DPPA2: variants seen among roughly 807,000 people sequenced by gnomAD.
DPPA2 encodes developmental pluripotency associated 2.
A neutral mutation model predicts 36.2 loss-of-function variants in DPPA2; 26 were observed. The ratio of observed to expected loss-of-function variants is 0.72; its 90% confidence interval spans 0.53 to 1.00. The LOEUF (loss-of-function observed/expected upper bound fraction) is 1.00, where lower values mean the gene tolerates loss of function less well. DPPA2 is among the 50% of genes least tolerant of loss of function. The pLI is 0.00. For missense variants in DPPA2, 361 were observed against 365.1 expected (o/e 0.99, Z 0.09); for synonymous variants, 113 against 123.2 (o/e 0.92, Z 0.55).
intron 6 of DPPA2, among the ~76,000 whole-genome samples, chr3:109,305,890 G>C (rs1017015638): frequency 1.3e-5 from 2 of 151,494 alleles, no homozygotes; most frequent in Non-Finnish European, 2.9e-5. Flanking sequence ...TCAGTATTCT[G>C]AAAGACCTAC....
intron 8 of DPPA2, among the ~76,000 whole-genome samples, chr3:109,296,502 C>T (rs1420328633): frequency 6.6e-6 from 1 of 152,170 alleles, no homozygotes; most frequent in Non-Finnish European, 1.5e-5. Flanking sequence ...TGGAGAAACA[C>T]TGTCTCTACT....
At chr3:109,299,753 G>GT (rs35794059) in intron 8 of DPPA2, among the ~76,000 whole-genome samples, 88,169 of 136,444 alleles carry the variant, frequency 0.65, 29,369 homozygotes, top group East Asian at 0.87. Flanking sequence ...TGACTCATTA[G>GT]TTTTTTTTTT....
At position 109,309,305 on chromosome 3, in the gene DPPA2, T is replaced by C. The variant is rs1707651867; in HGVS notation, c.207A>G (p.Gln69=). 1 of 1,613,970 alleles carries C rather than the reference T, an allele frequency of 6.2e-7. No homozygotes were observed. Among genetic ancestry groups the C allele is most frequent in the Non-Finnish European group, 8.5e-7 (1 of 1,179,974 alleles). Residue 69 remains glutamine (Q), a synonymous_variant, in exon 4 of 9, where the codon CAA becomes CAG. Transcript: ENST00000478945. ...ATCTAGCTTTTTGTGGAGCTGTAAATTGCTCATTTGTTTGAAGTAGATGAC... is the reference window on the plus strand; with the variant it reads ...ATCTAGCTTTTTGTGGAGCTGTAAACTGCTCATTTGTTTGAAGTAGATGAC... ...NPGHLLQTNE[Q]FTAPQKARCK... is the part of the protein sequence containing the mutation.
At chr3:109,313,420 C>T (rs2107321552) in intron 2 of DPPA2, among the ~76,000 whole-genome samples, 1 of 152,250 alleles carries the variant, frequency 6.6e-6, no homozygotes, top group South Asian at 2.1e-4. Context: ...ACAGAGTAGG[C>T]ATTCAATGTT....
rs1336840587 is a variant in DPPA2 at position 109,302,587 on chromosome 3, G to A, written c.854+1888C>T. Among the ~76,000 whole-genome samples, 5 of 152,002 alleles carry A rather than the reference G, an allele frequency of 3.3e-5. No individual in the cohort carries two copies. The East Asian group carries it at 9.6e-4, about 29-fold the overall frequency. On this transcript the variant is annotated intron_variant, in intron 7 of 8. Coordinates refer to ENST00000478945, the MANE Select transcript of DPPA2 (RefSeq NM_138815.4). ...TCCTGCCTCAGCCTCCCAAGTAGCT[G>A]GGATTACAGGCACATGCCACTACGC...
chr3:109,306,247 T>C (rs1707562534), intron 6 of DPPA2, among the ~76,000 whole-genome samples: 1 of 152,196 alleles, frequency 6.6e-6, no homozygotes, highest in Non-Finnish European at 1.5e-5. Context: ...GATAAGTCAC[T>C]GTGGGATAAT....
chr3:109,309,583 G>C (rs1184547843), intron 3 of DPPA2, among the ~76,000 whole-genome samples: 1 of 151,710 alleles, frequency 6.6e-6, no homozygotes, highest in Non-Finnish European at 1.5e-5. Context: ...CCAGCTACTT[G>C]GGAGGCTGAG....
chr3:109,315,339 C>G (rs1403833754), intron 1 of DPPA2, among the ~76,000 whole-genome samples: 3 of 152,046 alleles, frequency 2.0e-5, no homozygotes, highest in African/African-American at 7.2e-5. Context: ...AATCTCTCTT[C>G]GATCTAGTTC....
chr3:109,307,001 ATCTG>A (rs995766315), intron 6 of DPPA2, among the ~76,000 whole-genome samples: 6 of 151,308 alleles, frequency 4.0e-5, no homozygotes, highest in Non-Finnish European at 5.9e-5. Context: ...CAGAGTCTGG[ATCTG>A]TCTGTCAGGC....
intron 3 of DPPA2, among the ~76,000 whole-genome samples, chr3:109,309,933 T>C (rs761604723): frequency 4.0e-5 from 6 of 150,468 alleles, no homozygotes; most frequent in Non-Finnish European, 8.9e-5. Context: ...AATAGAAAAA[T>C]TACCTGGGCA....
intron 8 of DPPA2, among the ~76,000 whole-genome samples, chr3:109,296,640 G>A (rs148609584): frequency 4.0e-4 from 60 of 151,000 alleles, no homozygotes; most frequent in African/African-American, 1.3e-3. Context: ...GCGCCATTGC[G>A]CTCCAGCTGG....
At chr3:109,310,470 T>A (rs1381686781) in intron 3 of DPPA2, among the ~76,000 whole-genome samples, 1 of 149,842 alleles carries the variant, frequency 6.7e-6, no homozygotes, top group Non-Finnish European at 1.5e-5. Context: ...TTGCCCATTA[T>A]AATAGCAGAC....
At chr3:109,294,455 C>CA (rs1243062568) in intron 8 of DPPA2, among the ~76,000 whole-genome samples, 1 of 152,190 alleles carries the variant, frequency 6.6e-6, no homozygotes, top group Non-Finnish European at 1.5e-5. Context: ...CATTCTAAAA[C>CA]AGTCTGCCTA....
chr3:109,297,638 T>C lies in DPPA2; in HGVS notation c.*22+2733A>G, dbSNP rs114381287. Among the ~76,000 whole-genome samples the C allele has an allele frequency of 2.7e-3, 415 of 152,292 alleles. 2 individuals carry two copies. The highest frequency in any genetic ancestry group is 9.5e-3 in the African/African-American group (393 of 41,578). On this transcript the variant is annotated intron_variant, in intron 8 of 8. Transcript: ENST00000478945. ...ATGGTGCAACAAGAACTCTCATTCATTGCTGGTAGGAATGCAAAATGCTAC... is the reference window on the plus strand; with the variant it reads ...ATGGTGCAACAAGAACTCTCATTCACTGCTGGTAGGAATGCAAAATGCTAC...
At chr3:109,299,863 C>T (rs539192350) in intron 8 of DPPA2, among the ~76,000 whole-genome samples, 128 of 151,330 alleles carry the variant, frequency 8.5e-4, no homozygotes, top group Middle Eastern at 3.4e-3. Context: ...GCAAGTGATC[C>T]TCCTGACTTA....
rs9809564 is a variant in DPPA2, at chr3:109,300,261, T to A, written c.*22+110A>T. On this transcript the variant is annotated intron_variant, in intron 8 of 8. Transcript: ENST00000478945. Reference sequence around the variant, plus strand: ...AGACTTTGATACATTTATGTCCTGTTTTTTAGTGAATAGGGGGAAGGCAGA... The same window carrying A: ...AGACTTTGATACATTTATGTCCTGTATTTTAGTGAATAGGGGGAAGGCAGA... 5,691 of 867,864 alleles carry A rather than the reference T, an allele frequency of 6.6e-3. 236 individuals carry two copies. In the African/African-American group the frequency reaches 0.085, roughly 13 times the overall value. The allele number at this position is 867,864 out of a possible 1,614,324, so 53.8% of individuals were successfully genotyped here.
At chr3:109,298,195 C>G (rs944229396) in intron 8 of DPPA2, among the ~76,000 whole-genome samples, 1 of 152,186 alleles carries the variant, frequency 6.6e-6, no homozygotes, top group African/African-American at 2.4e-5. Context: ...CTGTATGACA[C>G]TATGTTGGAT....
intron 6 of DPPA2, among the ~76,000 whole-genome samples, chr3:109,305,981 A>C (rs930772931): frequency 6.6e-6 from 1 of 152,194 alleles, no homozygotes; most frequent in African/African-American, 2.4e-5. Flanking sequence ...GTAAGGAACA[A>C]TTTAATTAAG....
At chr3:109,310,183 G>A (rs1364320213) in intron 3 of DPPA2, among the ~76,000 whole-genome samples, 6 of 145,508 alleles carry the variant, frequency 4.1e-5, no homozygotes, top group South Asian at 2.2e-4. Context: ...AGCCAAGATC[G>A]CGCCATTGCA....
Sources: allele counts gnomAD v4.1 joint callset (sites outside exome capture counted in the v4.1 genomes callset), GRCh38; gene constraint gnomAD v4.1.1; transcripts MANE v1.5; gene names NCBI Gene and HGNC (gene_info 2026-07-23, HGNC 2026-07-21).